EDIL3: variants seen among roughly 807,000 people sequenced by gnomAD.
EDIL3 encodes the protein EGF like and discoidin domains 3.
EDIL3 carries 37 observed loss-of-function variants against 67.4 expected under a neutral mutation model. That is an observed-to-expected ratio of 0.55 (90% CI 0.42 to 0.72). The LOEUF (loss-of-function observed/expected upper bound fraction) is 0.72, where lower values mean the gene tolerates loss of function less well. Ranked by LOEUF, EDIL3 falls within the 30% of genes least tolerant of loss-of-function variation. The pLI, the probability that EDIL3 is intolerant of heterozygous loss-of-function variation, is 0.00. For synonymous variants in EDIL3, 195 were observed against 196.3 expected (o/e 0.99, Z 0.05); for missense variants, 527 against 586.3 (o/e 0.90, Z 1.04).
rs992749465 is a variant in EDIL3, at chr5:84,268,931, G to A, written c.68-14719C>T. Among the ~76,000 whole-genome samples, 8 of 151,960 alleles carry A rather than the reference G, an allele frequency of 5.3e-5. No individual in the cohort carries two copies. In the East Asian group the frequency reaches 5.8e-4, roughly 11 times the overall value. On this transcript the variant is annotated intron_variant, in intron 1 of 10. Transcript: ENST00000296591. ...AATTATAGTCCACAAATCTTTGTCC[G>A]TTTAGCTCTATTCATTCTAATCAAT...
intron 9 of EDIL3, among the ~76,000 whole-genome samples, chr5:84,036,835 A>G (rs1746030163): frequency 6.6e-6 from 1 of 152,074 alleles, no homozygotes. Flanking sequence ...TAAAAGATCA[A>G]TGTTTTGGAC....
intron 9 of EDIL3, among the ~76,000 whole-genome samples, chr5:83,978,054 T>C (rs1265554159): frequency 6.6e-6 from 1 of 151,758 alleles, no homozygotes; most frequent in African/African-American, 2.4e-5. Flanking sequence ...AATAAGCATA[T>C]AAAATGAAAT....
chr5:84,141,944 T>TATATATATATACATAC (rs1748202905), intron 4 of EDIL3, among the ~76,000 whole-genome samples: 3 of 102,710 alleles, frequency 2.9e-5, no homozygotes, highest in African/African-American at 1.2e-4. Flanking sequence ...TATATATATA[T>TATATATATATACATAC]ATACATAGAT....
At chr5:83,944,166 G>A (rs148898651) in intron 10 of EDIL3, among the ~76,000 whole-genome samples, 34 of 151,934 alleles carry the variant, frequency 2.2e-4, no homozygotes, top group East Asian at 1.4e-3. Context: ...GAGCACTAAC[G>A]GCCTCTATCA....
chr5:84,206,892 T>C (rs1743992718), intron 3 of EDIL3, among the ~76,000 whole-genome samples: 1 of 152,206 alleles, frequency 6.6e-6, no homozygotes, highest in East Asian at 1.9e-4. Flanking sequence ...TGATGGGACA[T>C]ATCTCAAATA....
chr5:84,103,632 TATC>T (rs1747407633), intron 6 of EDIL3, among the ~76,000 whole-genome samples: 1 of 151,898 alleles, frequency 6.6e-6, no homozygotes, highest in Non-Finnish European at 1.5e-5. Context: ...CAAAATCAGT[TATC>T]ATTAGAGAAA....
intron 6 of EDIL3, among the ~76,000 whole-genome samples, chr5:84,069,908 A>T (rs1158404464): frequency 2.0e-5 from 3 of 152,126 alleles, no homozygotes; most frequent in African/African-American, 7.2e-5. Flanking sequence ...AGAGGAACAG[A>T]CCAGCAGAAG....
intron 1 of EDIL3, among the ~76,000 whole-genome samples, chr5:84,331,954 G>A (rs1288421885): frequency 6.6e-6 from 1 of 152,154 alleles, no homozygotes; most frequent in East Asian, 1.9e-4. Flanking sequence ...ATTATGTTGT[G>A]AGGCAGGATA....
intron 1 of EDIL3, among the ~76,000 whole-genome samples, chr5:84,378,491 T>C (rs1748014503): frequency 6.6e-6 from 1 of 152,226 alleles, no homozygotes; most frequent in African/African-American, 2.4e-5. Context: ...GTTTTACTGC[T>C]CTGATTAAGC....
chr5:84,282,134 G>C (rs1340911518), intron 1 of EDIL3, among the ~76,000 whole-genome samples: 4 of 151,698 alleles, frequency 2.6e-5, no homozygotes, highest in African/African-American at 9.7e-5. Flanking sequence ...GCCTCCCAAA[G>C]TGCTGGGATT....
intron 1 of EDIL3, among the ~76,000 whole-genome samples, chr5:84,371,450 TAGAGAGAGAG>T (rs142715442): frequency 1.2e-3 from 125 of 103,990 alleles, no homozygotes; most frequent in African/African-American, 3.7e-3. Context: ...TATATATATA[TAGAGAGAGAG>T]AGAGAGAGAG....
rs773035274 is a variant in EDIL3 at position 84,262,659 on chromosome 5, G to GT, written c.68-8448dup. ...AAACTACAATTCCCAAGGTTGGTTGGTTTTTTTTTTTTTTTTTTTTTTTTT... is the reference window on the plus strand; with the variant it reads ...AAACTACAATTCCCAAGGTTGGTTGGTTTTTTTTTTTTTTTTTTTTTTTTTT... On this transcript the variant is annotated intron_variant, in intron 1 of 10. Transcript: ENST00000296591. Among the ~76,000 whole-genome samples the GT allele has an allele frequency of 1.4e-3, 66 of 46,316 alleles. 14 individuals are homozygous for GT. Among genetic ancestry groups the GT allele is most frequent in the East Asian group, 7.8e-3 (9 of 1,152 alleles). 30.4% of individuals were successfully genotyped at this position (46,316 alleles called of 152,430 possible).
At chr5:84,100,628 G>A (rs990850736) in intron 6 of EDIL3, among the ~76,000 whole-genome samples, 1 of 152,004 alleles carries the variant, frequency 6.6e-6, no homozygotes, top group African/African-American at 2.4e-5. Context: ...TGCAGATGAT[G>A]GATTGATGGG....
intron 4 of EDIL3, among the ~76,000 whole-genome samples, chr5:84,138,773 T>C (rs903935977): frequency 1.3e-5 from 2 of 151,870 alleles, no homozygotes; most frequent in Non-Finnish European, 1.5e-5. Context: ...AATAACTTTC[T>C]CTCAAAAAGC....
At chr5:84,154,801 G>C (rs892804640) in intron 4 of EDIL3, among the ~76,000 whole-genome samples, 2 of 147,922 alleles carry the variant, frequency 1.4e-5, no homozygotes, top group Non-Finnish European at 3.0e-5. Flanking sequence ...CCAGGTTCAA[G>C]CGATTCTCCT....
At chr5:84,142,828 C>G (rs977881376) in intron 4 of EDIL3, among the ~76,000 whole-genome samples, 62 of 146,362 alleles carry the variant, frequency 4.2e-4, no homozygotes, top group Middle Eastern at 3.5e-3. Flanking sequence ...TGCCCCCCCC[C>G]CCAAGCTTTT....
intron 1 of EDIL3, among the ~76,000 whole-genome samples, chr5:84,332,263 T>C (rs1746887777): frequency 6.6e-6 from 1 of 152,118 alleles, no homozygotes; most frequent in Non-Finnish European, 1.5e-5. Context: ...TCACATCTAT[T>C]CAGCAGGCTG....
chr5:84,224,131 G>A (rs777895831), intron 3 of EDIL3, among the ~76,000 whole-genome samples: 18 of 151,334 alleles, frequency 1.2e-4, no homozygotes, highest in South Asian at 4.1e-4. Context: ...AATAAGTTAC[G>A]GTTGTAGTTC....
In EDIL3 at chr5:84,027,985, C is replaced by G. The variant is rs187397078; in HGVS notation, c.1137+32315G>C. On this transcript the variant is annotated intron_variant, in intron 9 of 10. Transcript: ENST00000296591. ...TGGACAACACTGAATTCACTTAAGACTGACTCCTGGGCATTTCTACTACCA... is the reference window on the plus strand; with the variant it reads ...TGGACAACACTGAATTCACTTAAGAGTGACTCCTGGGCATTTCTACTACCA... Among the ~76,000 whole-genome samples the G allele has an allele frequency of 2.1e-3, 315 of 152,274 alleles. 4 individuals carry two copies. The highest frequency in any genetic ancestry group is 0.018 in the Admixed American group (278 of 15,280).
Sources: allele counts gnomAD v4.1 joint callset (sites outside exome capture counted in the v4.1 genomes callset), GRCh38; gene constraint gnomAD v4.1.1; transcripts MANE v1.5; gene names NCBI Gene and HGNC (gene_info 2026-07-23, HGNC 2026-07-21).